Variants in EYS observed in about 807,000 individuals in gnomAD.
The protein encoded by EYS is EGF-like photoreceptor maintenance factor.
In EYS, 250 loss-of-function variants were observed where a neutral mutation model predicts 282.1. That is an observed-to-expected ratio of 0.89 (90% CI 0.80 to 0.98). The LOEUF (loss-of-function observed/expected upper bound fraction) is 0.98. EYS is among the 50% of genes least tolerant of loss of function. The pLI is 0.00. For synonymous variants in EYS, 1,355 were observed against 1,282.9 expected (o/e 1.06, Z -1.20); for missense variants, 4,016 against 3,709.0 (o/e 1.08, Z -2.15).
At chr6:64,161,472 T>C (rs1307432066) in intron 31 of EYS, among the ~76,000 whole-genome samples, 1 of 152,202 alleles carries the variant, frequency 6.6e-6, no homozygotes, top group Non-Finnish European at 1.5e-5. Flanking sequence ...GATAATGTCT[T>C]AGTAATTGCA....
At chr6:65,525,108 G>T (rs1162807545) in intron 2 of EYS, among the ~76,000 whole-genome samples, 1 of 150,222 alleles carries the variant, frequency 6.7e-6, no homozygotes, top group Non-Finnish European at 1.5e-5. Context: ...TGCTGAACAT[G>T]CAGGTTTGTT....
chr6:64,657,544 G>A (rs1461837812), intron 22 of EYS, among the ~76,000 whole-genome samples: 1 of 152,152 alleles, frequency 6.6e-6, no homozygotes, highest in Non-Finnish European at 1.5e-5. Context: ...TTTTAGGGCA[G>A]GCCTGGTGGT....
chr6:64,818,768 A>G (rs1333215025), intron 21 of EYS, among the ~76,000 whole-genome samples: 1 of 121,518 alleles, frequency 8.2e-6, no homozygotes, highest in Non-Finnish European at 1.7e-5. Context: ...GCAGCTGATT[A>G]GATTGTACCC....
chr6:64,625,643 G>A (rs2149856342), intron 23 of EYS, among the ~76,000 whole-genome samples: 1 of 152,218 alleles, frequency 6.6e-6, no homozygotes, highest in East Asian at 1.9e-4. Context: ...TGTTGATTAG[G>A]GTTCAACACA....
intron 5 of EYS, among the ~76,000 whole-genome samples, chr6:65,472,439 G>T (rs1765249207): frequency 6.6e-6 from 1 of 152,018 alleles, no homozygotes; most frequent in African/African-American, 2.4e-5. Context: ...TTATGGAAAA[G>T]TTTGTGGAAC....
chr6:63,906,518 C>T (rs1452336334), intron 35 of EYS, among the ~76,000 whole-genome samples: 1 of 152,142 alleles, frequency 6.6e-6, no homozygotes, highest in Non-Finnish European at 1.5e-5. Context: ...TAAATACATA[C>T]ATTTTAGATT....
intron 37 of EYS, among the ~76,000 whole-genome samples, chr6:63,799,103 T>G (rs1770722110): frequency 6.7e-6 from 1 of 148,402 alleles, no homozygotes; most frequent in African/African-American, 2.5e-5. Context: ...AACCTCCGCC[T>G]CCCGGGTTCA....
chr6:64,102,781 G>A (rs1433117339), intron 31 of EYS, among the ~76,000 whole-genome samples: 1 of 152,010 alleles, frequency 6.6e-6, no homozygotes, highest in Non-Finnish European at 1.5e-5. Flanking sequence ...CATTACCAAA[G>A]TAAAATAATA....
At chr6:64,671,399 C>T (rs1003235623) in intron 22 of EYS, among the ~76,000 whole-genome samples, 7 of 152,086 alleles carry the variant, frequency 4.6e-5, no homozygotes, top group African/African-American at 1.7e-4. Flanking sequence ...AGAGAGAGAG[C>T]CCTCACCAGA....
chr6:65,628,872 T>C (rs540682522), intron 2 of EYS, among the ~76,000 whole-genome samples: 2 of 152,312 alleles, frequency 1.3e-5, no homozygotes, highest in East Asian at 3.9e-4. Context: ...GACACAGTAC[T>C]ATAGGAAAGA....
intron 7 of EYS, among the ~76,000 whole-genome samples, chr6:65,387,569 GA>G (rs1169663508): frequency 6.6e-6 from 1 of 151,546 alleles, no homozygotes; most frequent in African/African-American, 2.4e-5. Context: ...CAAAAAATTA[GA>G]AAAAATATTT....
intron 15 of EYS, among the ~76,000 whole-genome samples, chr6:64,918,876 A>T (rs1768245406): frequency 6.6e-6 from 1 of 152,220 alleles, no homozygotes; most frequent in Non-Finnish European, 1.5e-5. Flanking sequence ...GAAAATTCAA[A>T]TATGGAGCTC....
intron 11 of EYS, chr6:65,302,801 T>G: frequency 6.2e-7 from 1 of 1,613,840 alleles, no homozygotes; most frequent in Non-Finnish European, 8.5e-7. Context: ...TGATGGCCTT[T>G]TCCTACCTCC....
At chr6:63,860,446 T>A (rs150570001) in intron 36 of EYS, among the ~76,000 whole-genome samples, 33 of 152,340 alleles carry the variant, frequency 2.2e-4, no homozygotes, top group African/African-American at 7.9e-4. Context: ...TAATGTCTTG[T>A]AGGGAAACCT....
intron 12 of EYS, among the ~76,000 whole-genome samples, chr6:65,287,101 G>C (rs561210139): frequency 6.6e-6 from 1 of 151,022 alleles, no homozygotes; most frequent in African/African-American, 2.4e-5. Flanking sequence ...TATACAGAGG[G>C]GAAATAGAAT....
At chr6:64,245,642 G>T (rs1404569236) in intron 30 of EYS, among the ~76,000 whole-genome samples, 2 of 152,020 alleles carry the variant, frequency 1.3e-5, no homozygotes, top group South Asian at 4.1e-4. Context: ...GCTGGTTCCT[G>T]TCTCATGGTG....
chr6:64,931,748 T>G (rs1209555277), intron 15 of EYS, among the ~76,000 whole-genome samples: 4 of 152,124 alleles, frequency 2.6e-5, no homozygotes, highest in Non-Finnish European at 5.9e-5. Flanking sequence ...CCTGAGACAT[T>G]ACTATTGTTG....
intron 12 of EYS, among the ~76,000 whole-genome samples, chr6:65,276,237 G>A (rs921808335): frequency 6.6e-6 from 1 of 152,084 alleles, no homozygotes; most frequent in Non-Finnish European, 1.5e-5. Flanking sequence ...GTCCATAGAT[G>A]AGTTATTTCT....
chr6:65,526,665 G>A (rs10944814), intron 2 of EYS, among the ~76,000 whole-genome samples: 26,502 of 152,054 alleles, frequency 0.17, 2,910 homozygotes, highest in Middle Eastern at 0.32. Flanking sequence ...AATTACCTGG[G>A]CGTGGTGTCG....
Sources: allele counts gnomAD v4.1 joint callset (sites outside exome capture counted in the v4.1 genomes callset), GRCh38; gene constraint gnomAD v4.1.1; transcripts MANE v1.5; gene names NCBI Gene and HGNC (gene_info 2026-07-23, HGNC 2026-07-21).